The following ARB2A variants were observed in gnomAD, a reference collection of about 807,000 sequenced individuals.
ARB2A encodes ARB2 cotranscriptional regulator A, also known as cotranscriptional regulator ARB2A.
chr5:93,722,196 G>A, the ARB2A span, among the ~76,000 whole-genome samples: 8 of 152,090 alleles, frequency 5.3e-5, no homozygotes, highest in Non-Finnish European at 1.5e-5. Context: ...ATTTCTTTGG[G>A]TACTTAAATA....
chr5:93,805,061 T>C, the ARB2A span: 7 of 958,886 alleles, frequency 7.3e-6, no homozygotes, highest in Non-Finnish European at 8.7e-6. Context: ...TAATATATAA[T>C]TAATGATTAA....
At chr5:93,660,471 A>G in the ARB2A span, among the ~76,000 whole-genome samples, 6 of 152,156 alleles carry the variant, frequency 3.9e-5, no homozygotes, top group African/African-American at 1.4e-4. Context: ...AGAGATGAGT[A>G]AGGGGCAAGA....
the ARB2A span, among the ~76,000 whole-genome samples, chr5:94,049,682 C>T: frequency 2.0e-5 from 3 of 151,530 alleles, no homozygotes; most frequent in African/African-American, 7.3e-5. Context: ...ATTAGGTGGG[C>T]ATGGTGGTGC....
chr5:93,761,424 C>G, the ARB2A span, among the ~76,000 whole-genome samples: 1 of 152,222 alleles, frequency 6.6e-6, no homozygotes, highest in Non-Finnish European at 1.5e-5. Context: ...GCACGTGGCT[C>G]AGAGGGTCCT....
chr5:93,626,886 T>A, the ARB2A span, among the ~76,000 whole-genome samples: 1 of 152,216 alleles, frequency 6.6e-6, no homozygotes, highest in East Asian at 1.9e-4. Context: ...CTGAAAGATT[T>A]CTCTGTAGCA....
At chr5:93,741,053 G>A in the ARB2A span, 1 of 1,613,856 alleles carries the variant, frequency 6.2e-7, no homozygotes, top group Non-Finnish European at 8.5e-7. Flanking sequence ...ACGCTTAGCT[G>A]CTGGGCCTCG....
the ARB2A span, among the ~76,000 whole-genome samples, chr5:93,703,435 G>A: frequency 1.3e-5 from 2 of 152,202 alleles, no homozygotes. Context: ...TGCACATAAA[G>A]TGAATGGCAC....
the ARB2A span, among the ~76,000 whole-genome samples, chr5:93,870,531 G>A: frequency 6.6e-6 from 1 of 152,214 alleles, no homozygotes; most frequent in Non-Finnish European, 1.5e-5. Flanking sequence ...ACAAACCTCT[G>A]GAGATTCCTG....
chr5:93,800,509 G>A, the ARB2A span, among the ~76,000 whole-genome samples: 28 of 151,946 alleles, frequency 1.8e-4, no homozygotes, highest in African/African-American at 6.5e-4. Flanking sequence ...TAGGAGAACA[G>A]TGTAAAATAG....
the ARB2A span, among the ~76,000 whole-genome samples, chr5:93,644,661 C>T: frequency 6.6e-6 from 1 of 152,096 alleles, no homozygotes; most frequent in African/African-American, 2.4e-5. Flanking sequence ...TTCCTTTCCT[C>T]TCTTTATTCT....
At chr5:93,777,187 T>C in the ARB2A span, among the ~76,000 whole-genome samples, 4 of 150,718 alleles carry the variant, frequency 2.7e-5, no homozygotes, top group East Asian at 2.0e-4. Flanking sequence ...AGGGATAGCA[T>C]TGGGAGATAT....
the ARB2A span, among the ~76,000 whole-genome samples, chr5:93,710,297 A>T: frequency 1.3e-5 from 2 of 152,228 alleles, no homozygotes; most frequent in African/African-American, 4.8e-5. Context: ...AATGTGAAAT[A>T]AATATTGAGA....
chr5:94,080,232 A>G, the ARB2A span, among the ~76,000 whole-genome samples: 1 of 152,180 alleles, frequency 6.6e-6, no homozygotes, highest in Non-Finnish European at 1.5e-5. Flanking sequence ...GGCAATTATG[A>G]GCATCATATA....
the ARB2A span, among the ~76,000 whole-genome samples, chr5:93,776,870 A>T: frequency 6.6e-6 from 1 of 152,180 alleles, no homozygotes; most frequent in Admixed American, 6.5e-5. Flanking sequence ...CAAGCAGTAA[A>T]CAAATAAAGG....
the ARB2A span, among the ~76,000 whole-genome samples, chr5:93,971,915 G>C: frequency 6.6e-6 from 1 of 152,302 alleles, no homozygotes; most frequent in South Asian, 2.1e-4. Flanking sequence ...TCCTGCCAAA[G>C]TCCTACCTGG....
At chr5:93,738,485 G>A in the ARB2A span, 1 of 152,130 alleles carries the variant, frequency 6.6e-6, no homozygotes, top group African/African-American at 2.4e-5. Context: ...TAAACAAATA[G>A]ATTATTATAT....
chr5:93,814,217 A>T, the ARB2A span, among the ~76,000 whole-genome samples: 24 of 152,210 alleles, frequency 1.6e-4, no homozygotes, highest in Non-Finnish European at 3.1e-4. Context: ...TTATAAATAA[A>T]TCTACAATCA....
At chr5:93,637,918 G>A in the ARB2A span, among the ~76,000 whole-genome samples, 1 of 152,128 alleles carries the variant, frequency 6.6e-6, no homozygotes, top group Non-Finnish European at 1.5e-5. Context: ...CCTTTGGAGG[G>A]TCTGGAGGCT....
At chr5:93,797,586 T>C in the ARB2A span, among the ~76,000 whole-genome samples, 1 of 152,144 alleles carries the variant, frequency 6.6e-6, no homozygotes, top group Non-Finnish European at 1.5e-5. Context: ...ATTTAGAAAG[T>C]CAATTATGTA....
Sources: gnomAD v4.1 joint callset for allele counts (sites outside exome capture counted in the v4.1 genomes callset) on GRCh38, gnomAD v4.1.1 for gene constraint, MANE v1.5 for transcripts, NCBI Gene and HGNC (gene_info 2026-07-23, HGNC 2026-07-21) for gene names.